SNX29: variants seen among roughly 807,000 people sequenced by gnomAD.
SNX29 encodes sorting nexin 29.
A neutral mutation model predicts 102.1 loss-of-function variants in SNX29; 78 were observed. The observed-to-expected ratio is 0.76, with a 90% CI of 0.64 to 0.92. SNX29 has a LOEUF of 0.92. Ranked by LOEUF, SNX29 falls within the 40% of genes least tolerant of loss-of-function variation. SNX29 has a pLI of 0.00. For missense variants in SNX29, 1,280 were observed against 1,061.7 expected (o/e 1.21, Z -2.86); for synonymous variants, 580 against 414.5 (o/e 1.40, Z -4.85).
chr16:12,530,207 C>G (rs868380875), intron 20 of SNX29, among the ~76,000 whole-genome samples: 3 of 152,338 alleles, frequency 2.0e-5, no homozygotes, highest in South Asian at 2.1e-4. Flanking sequence ...TGCTGATAGT[C>G]TTTGGCTCTT....
chr16:12,243,640 G>A (rs2078176696), intron 14 of SNX29, among the ~76,000 whole-genome samples: 1 of 152,106 alleles, frequency 6.6e-6, no homozygotes, highest in East Asian at 1.9e-4. Flanking sequence ...CAGACATTTT[G>A]GGGCATGTAA....
intron 1 of SNX29, among the ~76,000 whole-genome samples, chr16:11,996,207 G>A (rs548643685): frequency 9.2e-5 from 14 of 152,068 alleles, no homozygotes; most frequent in African/African-American, 3.1e-4. Flanking sequence ...GTGAGACCCC[G>A]TCTGTATAAA....
At chr16:12,209,334 C>T (rs1244515813) in intron 14 of SNX29, among the ~76,000 whole-genome samples, 1 of 152,136 alleles carries the variant, frequency 6.6e-6, no homozygotes, top group Non-Finnish European at 1.5e-5. Flanking sequence ...GGATTACAGG[C>T]GTGTGCCACC....
chr16:12,562,178 C>G (rs929957510), intron 20 of SNX29, among the ~76,000 whole-genome samples: 1 of 152,144 alleles, frequency 6.6e-6, no homozygotes, highest in African/African-American at 2.4e-5. Flanking sequence ...GAGGTCTGAC[C>G]TGAGCATAGG....
At chr16:12,206,188 G>C (rs1022248526) in intron 14 of SNX29, among the ~76,000 whole-genome samples, 18 of 152,170 alleles carry the variant, frequency 1.2e-4, no homozygotes, top group African/African-American at 4.1e-4. Context: ...TGTGATGACA[G>C]GAGTCATACA....
rs760786426 is a variant in SNX29 at position 12,014,243 on chromosome 16, C to T, written c.122+11200C>T. Among the ~76,000 whole-genome samples, 11 of 152,192 alleles carry T rather than the reference C, an allele frequency of 7.2e-5. No homozygotes were observed. The South Asian group carries it at 8.3e-4, about 11-fold the overall frequency. On this transcript the variant is annotated intron_variant, in intron 3 of 20. Coordinates refer to ENST00000566228, the MANE Select transcript of SNX29 (RefSeq NM_032167.5). ...TTATTCACGCCTGCATCCAGGGGCTCTTGTTTTTCTCCATTCTCTTTTTCC... is the reference window on the plus strand; with the variant it reads ...TTATTCACGCCTGCATCCAGGGGCTTTTGTTTTTCTCCATTCTCTTTTTCC...
chr16:11,998,470 T>C (rs560519063), intron 1 of SNX29, among the ~76,000 whole-genome samples: 1 of 152,242 alleles, frequency 6.6e-6, no homozygotes, highest in South Asian at 2.1e-4. Context: ...TGTGGACAAA[T>C]AGGGTTATTT....
chr16:12,068,987 G>C, intron 9 of SNX29, 70 bp from the exon 10 acceptor site: 1 of 1,443,856 alleles, frequency 6.9e-7, no homozygotes, highest in Non-Finnish European at 9.6e-7. Context: ...TGTCTGCATT[G>C]TGTCTTTGTC....
intron 20 of SNX29, among the ~76,000 whole-genome samples, chr16:12,547,470 ATT>A (rs1201814529): frequency 2.0e-5 from 3 of 152,116 alleles, no homozygotes; most frequent in Non-Finnish European, 4.4e-5. Flanking sequence ...GGGAAGGGGT[ATT>A]CTCAAAGTAG....
chr16:12,425,779 C>T (rs1257328033), intron 18 of SNX29, among the ~76,000 whole-genome samples: 3 of 152,204 alleles, frequency 2.0e-5, no homozygotes, highest in East Asian at 1.9e-4. Flanking sequence ...GAATTCCTCT[C>T]GGAATTCCTC....
chr16:12,267,713 G>A (rs1221339374), intron 14 of SNX29, among the ~76,000 whole-genome samples: 4 of 152,160 alleles, frequency 2.6e-5, no homozygotes, highest in East Asian at 1.9e-4. Flanking sequence ...TCCTCGCAAT[G>A]GAACGGCAAG....
Position 12,437,111 on chromosome 16 carries a change from G to A in SNX29, c.2037+33582G>A, listed in dbSNP as rs941403754. Among the ~76,000 whole-genome samples the A allele has an allele frequency of 3.3e-5, 5 of 152,358 alleles. No individual in the cohort carries two copies. The East Asian group carries it at 5.8e-4, about 18-fold the overall frequency. On this transcript the variant is annotated intron_variant, in intron 18 of 20. Transcript: ENST00000566228. ...AATGAGAGACAGAGAAAGCAACAGC[G>A]TGTGCATAAAGAATCATGGGGGTTT...
Position 12,571,800 on chromosome 16 carries a change from G to C in SNX29, c.*3171G>C, listed in dbSNP as rs1043689267. 4.9e-6 allele frequency: 5 copies of C among 1,018,856 alleles called. No individual in the cohort carries two copies. The highest frequency in any genetic ancestry group is 3.3e-5 in the African/African-American group (2 of 59,876). 63.1% of individuals were successfully genotyped at this position (1,018,856 alleles called of 1,614,324 possible). A position where few individuals can be genotyped will look rare whatever the true frequency, so the allele number is the denominator to read the frequency against. ...TTCTCCGCCACTCTTCCTGCAATCAGTGTGAAATTCCAGCTTCTTTGATTC... is the reference window on the plus strand; with the variant it reads ...TTCTCCGCCACTCTTCCTGCAATCACTGTGAAATTCCAGCTTCTTTGATTC... On this transcript the variant is annotated 3_prime_UTR_variant, in exon 21 of 21. Coordinates refer to ENST00000566228, the MANE Select transcript of SNX29 (RefSeq NM_032167.5).
chr16:12,321,347 C>T (rs1168417438), intron 15 of SNX29, among the ~76,000 whole-genome samples: 3 of 152,160 alleles, frequency 2.0e-5, no homozygotes, highest in Admixed American at 6.5e-5. Flanking sequence ...ACTTCCCAAA[C>T]CCAGTCCGAC....
chr16:12,537,676 A>T (rs1361863840), intron 20 of SNX29, among the ~76,000 whole-genome samples: 1 of 152,214 alleles, frequency 6.6e-6, no homozygotes, highest in Non-Finnish European at 1.5e-5. Context: ...TGTCTTTTTT[A>T]AACATTGGAG....
intron 15 of SNX29, among the ~76,000 whole-genome samples, chr16:12,322,238 G>C (rs1201723893): frequency 6.6e-6 from 1 of 152,164 alleles, no homozygotes; most frequent in East Asian, 1.9e-4. Context: ...TCCCTGAGTG[G>C]CCTAACCTAC....
At chr16:12,258,218 G>C (rs946523898) in intron 14 of SNX29, among the ~76,000 whole-genome samples, 1 of 152,132 alleles carries the variant, frequency 6.6e-6, no homozygotes, top group African/African-American at 2.4e-5. Context: ...GCAGCCTCCA[G>C]CCCCGTGTCA....
chr16:12,171,449 G>C (rs1332120861), intron 13 of SNX29, among the ~76,000 whole-genome samples: 3 of 152,226 alleles, frequency 2.0e-5, no homozygotes, highest in Non-Finnish European at 4.4e-5. Context: ...TTCAGCAGAA[G>C]ATTCTCACGT....
At position 12,572,213 on chromosome 16, in the gene SNX29, C is replaced by T. The variant is rs565660992; in HGVS notation, c.*3584C>T. 3 of 994,460 alleles carry T rather than the reference C, an allele frequency of 3.0e-6. No homozygotes were observed. The highest frequency in any genetic ancestry group is 3.7e-6 in the Non-Finnish European group (3 of 815,590). The allele number at this position is 994,460 out of a possible 1,614,324, so 61.6% of individuals were successfully genotyped here. A position where few individuals can be genotyped will look rare whatever the true frequency, so the allele number is the denominator to read the frequency against. ...GGCAGGTAGTATTGTGCTTTAAAAA[C>T]CAGAGGCTCCTGAAAGTCGTTTACA... On this transcript the variant is annotated 3_prime_UTR_variant, in exon 21 of 21. Transcript: ENST00000566228.
Sources: gnomAD v4.1 joint callset for allele counts (sites outside exome capture counted in the v4.1 genomes callset) on GRCh38, gnomAD v4.1.1 for gene constraint, MANE v1.5 for transcripts, NCBI Gene and HGNC (gene_info 2026-07-23, HGNC 2026-07-21) for gene names.